The following CRB1 variants were observed in gnomAD, a reference collection of about 807,000 sequenced individuals.
The protein encoded by CRB1 is protein crumbs homolog 1.
Under a neutral mutation model 120.0 loss-of-function variants are expected in CRB1, and 83 were observed. The observed-to-expected ratio is 0.69, with a 90% CI of 0.58 to 0.83. The LOEUF (loss-of-function observed/expected upper bound fraction) is 0.83. Ranked by LOEUF, CRB1 falls within the 40% of genes least tolerant of loss-of-function variation. The probability of loss-of-function intolerance (pLI) is 0.00; values close to 1 mark genes in which losing one functional copy is unlikely to be tolerated. For missense variants in CRB1, 1,699 were observed against 1,687.6 expected (o/e 1.01, Z -0.12); for synonymous variants, 625 against 612.5 (o/e 1.02, Z -0.30).
chr1:197,341,622 A>G (rs1417361684), intron 2 of CRB1, among the ~76,000 whole-genome samples: 1 of 152,208 alleles, frequency 6.6e-6, no homozygotes, highest in East Asian at 1.9e-4. Context: ...AAAACGTCAC[A>G]GGGAAAAATC....
intron 11 of CRB1, among the ~76,000 whole-genome samples, chr1:197,452,583 T>C (rs2125532607): frequency 6.6e-6 from 1 of 152,276 alleles, no homozygotes; most frequent in Non-Finnish European, 1.5e-5. Flanking sequence ...AATATTATAA[T>C]GCCCATCTTA....
At chr1:197,461,334 C>G (rs554795501) in intron 11 of CRB1, among the ~76,000 whole-genome samples, 1 of 152,050 alleles carries the variant, frequency 6.6e-6, no homozygotes, top group Non-Finnish European at 1.5e-5. Flanking sequence ...GGATTCCCAC[C>G]ATGGCTGGGG....
At chr1:197,258,910 G>T in the CRB1 span, among the ~76,000 whole-genome samples, 1 of 152,170 alleles carries the variant, frequency 6.6e-6, no homozygotes, top group Non-Finnish European at 1.5e-5. Flanking sequence ...GTTAAATATT[G>T]TAAGGTTATT....
At chr1:197,274,288 T>C (rs528300111) in intron 1 of CRB1, among the ~76,000 whole-genome samples, 33 of 152,280 alleles carry the variant, frequency 2.2e-4, no homozygotes, top group African/African-American at 7.9e-4. Context: ...TTAGGTACAG[T>C]ACTTATAGCT....
At chr1:197,471,610 G>T (rs537635413) in intron 11 of CRB1, among the ~76,000 whole-genome samples, 19 of 152,258 alleles carry the variant, frequency 1.2e-4, no homozygotes, top group African/African-American at 4.6e-4. Flanking sequence ...AGGAGCATCT[G>T]GCTGGATAGC....
chr1:197,265,511 T>C (rs957969043), upstream of CRB1, among the ~76,000 whole-genome samples: 1 of 152,166 alleles, frequency 6.6e-6, no homozygotes, highest in Non-Finnish European at 1.5e-5. Flanking sequence ...TTTTACTTTA[T>C]TGCTGTTGAG....
chr1:197,447,453 A>G (rs896293678), intron 11 of CRB1: 17 of 152,242 alleles, frequency 1.1e-4, no homozygotes, highest in African/African-American at 3.9e-4. Flanking sequence ...GTTGGTTAAG[A>G]ACAAGTCACA....
chr1:197,350,578 G>A (rs960679832), intron 4 of CRB1, among the ~76,000 whole-genome samples: 3 of 152,174 alleles, frequency 2.0e-5, no homozygotes, highest in African/African-American at 7.2e-5. Flanking sequence ...AGGGATCTGG[G>A]AATATAAAAG....
At chr1:197,203,075 CGT>C in the CRB1 span, among the ~76,000 whole-genome samples, 325 of 152,002 alleles carry the variant, frequency 2.1e-3, 2 homozygotes, top group African/African-American at 7.3e-3. Flanking sequence ...TAAAAATAAA[CGT>C]GTAATTCTTC....
intron 1 of CRB1, among the ~76,000 whole-genome samples, chr1:197,313,951 TA>T (rs372403049): frequency 3.9e-5 from 6 of 152,234 alleles, no homozygotes; most frequent in African/African-American, 1.4e-4. Context: ...GGTTAAATTT[TA>T]AAAGGGTAAC....
chr1:197,207,002 T>C, the CRB1 span, among the ~76,000 whole-genome samples: 4 of 152,142 alleles, frequency 2.6e-5, no homozygotes, highest in African/African-American at 9.6e-5. Flanking sequence ...CCTCTTTGTC[T>C]TTTTTAACTG....
At chr1:197,381,820 A>T (rs1331147130) in intron 5 of CRB1, among the ~76,000 whole-genome samples, 1 of 152,222 alleles carries the variant, frequency 6.6e-6, no homozygotes, top group African/African-American at 2.4e-5. Context: ...AGTCAACTAC[A>T]TACCAACCAT....
intron 6 of CRB1, among the ~76,000 whole-genome samples, chr1:197,424,913 A>G (rs143029096): frequency 6.6e-6 from 1 of 152,260 alleles, no homozygotes; most frequent in Admixed American, 6.5e-5. Context: ...GCCAAGTCAT[A>G]TGTCTTCAGG....
chr1:197,230,914 G>A, the CRB1 span, among the ~76,000 whole-genome samples: 1 of 152,170 alleles, frequency 6.6e-6, no homozygotes, highest in African/African-American at 2.4e-5. Flanking sequence ...TTTTTAACTG[G>A]TAAAATTAGA....
At chr1:197,345,938 G>A (rs1049257396) in intron 3 of CRB1, among the ~76,000 whole-genome samples, 3 of 152,100 alleles carry the variant, frequency 2.0e-5, no homozygotes, top group East Asian at 1.9e-4. Flanking sequence ...TACATTCCTG[G>A]AGACAGGTAA....
chr1:197,366,615 G>A (rs1273039550), intron 5 of CRB1, among the ~76,000 whole-genome samples: 1 of 152,180 alleles, frequency 6.6e-6, no homozygotes, highest in Non-Finnish European at 1.5e-5. Flanking sequence ...TACTCAGGGA[G>A]TTAGAAATAG....
At chr1:197,268,693 G>T (rs574150627) in intron 1 of CRB1, among the ~76,000 whole-genome samples, 3 of 152,160 alleles carry the variant, frequency 2.0e-5, no homozygotes, top group African/African-American at 7.2e-5. Flanking sequence ...TTTCCAATAG[G>T]TATTCAGGTA....
chr1:197,419,639 A>T (rs1007639351), intron 5 of CRB1, among the ~76,000 whole-genome samples: 1 of 151,890 alleles, frequency 6.6e-6, no homozygotes, highest in Non-Finnish European at 1.5e-5. Flanking sequence ...CTGGGATTAC[A>T]GTTGTGAGCT....
chr1:197,363,672 G>T (rs1329390783), intron 5 of CRB1: 2 of 322,156 alleles, frequency 6.2e-6, no homozygotes, highest in Admixed American at 7.8e-5. Context: ...CCAACAAAGA[G>T]AACTTTCCCA....
Sources: allele counts gnomAD v4.1 joint callset (sites outside exome capture counted in the v4.1 genomes callset), GRCh38; gene constraint gnomAD v4.1.1; transcripts MANE v1.5; gene names NCBI Gene and HGNC (gene_info 2026-07-23, HGNC 2026-07-21).